Variants in ARID1B observed in about 807,000 individuals in gnomAD.
ARID1B encodes the protein AT-rich interaction domain 1B.
In ARID1B, 30 loss-of-function variants were observed where a neutral mutation model predicts 212.3. That is an observed-to-expected ratio of 0.14 (90% CI 0.11 to 0.19). ARID1B has a LOEUF of 0.19. Among genes scored for constraint, ARID1B ranks in the 10% least tolerant of loss-of-function variants. ARID1B has a pLI of 1.00. For synonymous variants in ARID1B, 1,402 were observed against 1,301.7 expected (o/e 1.08, Z -1.66); for missense variants, 2,891 against 3,204.0 (o/e 0.90, Z 2.36).
At chr6:156,912,812 C>T (rs1790003283) in intron 3 of ARID1B, among the ~76,000 whole-genome samples, 1 of 152,128 alleles carries the variant, frequency 6.6e-6, no homozygotes, top group South Asian at 2.1e-4. Flanking sequence ...TTCCCCACAC[C>T]ATCCATTTCT....
chr6:156,983,930 G>A (rs1323198450), intron 4 of ARID1B, among the ~76,000 whole-genome samples: 1 of 152,126 alleles, frequency 6.6e-6, no homozygotes, highest in Admixed American at 6.5e-5. Context: ...GATTGACCTT[G>A]CTTTTCTCAT....
In ARID1B at chr6:157,184,432, C is replaced by T. The variant is rs2128326109; in HGVS notation, c.3916C>T (p.Pro1306Ser). ...KKQPKLQPPSPANSGSLQGPQ... is the reference protein window; with the variant it reads ...KKQPKLQPPSSANSGSLQGPQ... The stretch of plus-strand genomic sequence containing the variant: ...GCAGCCCAAGCTCCAGCCGCCATCT[C>T]CTGGTAAGTGGCGGCGCTGCAGTCA... The change falls in exon 13 of 20, where the codon CCT becomes TCT. Residue 1306 changes from proline (P) to serine (S), a missense_variant. This residue lies in a region of ARID1B where 666 missense variants were observed against 873.5 expected (regional missense o/e 0.76). Coordinates refer to ENST00000636930, the MANE Select transcript of ARID1B (RefSeq NM_001374828.1). 1 of 1,614,040 alleles carries T rather than the reference C, an allele frequency of 6.2e-7. No homozygotes were observed. Among genetic ancestry groups the T allele is most frequent in the East Asian group, 2.2e-5 (1 of 44,868 alleles).
chr6:156,999,723 C>G (rs1778801874), intron 4 of ARID1B, among the ~76,000 whole-genome samples: 1 of 152,208 alleles, frequency 6.6e-6, no homozygotes, highest in Admixed American at 6.5e-5. Context: ...CTGCCTGCCT[C>G]TCAGTGCCAG....
chr6:156,883,135 T>C (rs953541556), intron 2 of ARID1B, among the ~76,000 whole-genome samples: 3 of 152,248 alleles, frequency 2.0e-5, no homozygotes, highest in Admixed American at 6.5e-5. Context: ...CGACAGCATC[T>C]TACTTCGGGG....
intron 2 of ARID1B, among the ~76,000 whole-genome samples, chr6:156,887,806 A>G (rs970215338): frequency 6.6e-6 from 1 of 152,198 alleles, no homozygotes. Flanking sequence ...TTTAAAACCT[A>G]CACACGAATG....
intron 2 of ARID1B, among the ~76,000 whole-genome samples, chr6:156,835,931 C>T (rs75181838): frequency 6.6e-6 from 1 of 151,502 alleles, no homozygotes; most frequent in Admixed American, 6.6e-5. Flanking sequence ...TTTGTAGAGA[C>T]GTCTCACCAT....
intron 4 of ARID1B, among the ~76,000 whole-genome samples, chr6:156,998,486 G>A (rs1778728094): frequency 6.6e-6 from 1 of 152,318 alleles, no homozygotes; most frequent in African/African-American, 2.4e-5. Flanking sequence ...GCCTCCCAAA[G>A]TGCTGGGATT....
At position 156,843,559 on chromosome 6, in the gene ARID1B, C is replaced by A. The variant is rs986904190; in HGVS notation, c.1986+14138C>A. Reference sequence around the variant, plus strand: ...GTTTACCCTGGGGCTATGGTAACACCGAGGGGCACACCTGGGCTGGGATAA... The same window carrying A: ...GTTTACCCTGGGGCTATGGTAACACAGAGGGGCACACCTGGGCTGGGATAA... On this transcript the variant is annotated intron_variant, in intron 2 of 19. Coordinates refer to ENST00000636930, the MANE Select transcript of ARID1B (RefSeq NM_001374828.1). Among the ~76,000 whole-genome samples the A allele has an allele frequency of 2.6e-5, 4 of 151,914 alleles. No homozygotes were observed. In the South Asian group the frequency reaches 8.3e-4, roughly 32 times the overall value.
chr6:156,850,782 G>A (rs994274459), intron 2 of ARID1B, among the ~76,000 whole-genome samples: 1 of 152,132 alleles, frequency 6.6e-6, no homozygotes, highest in African/African-American at 2.4e-5. Context: ...CTTGCTATCC[G>A]TTCTTTGAAA....
intron 4 of ARID1B, among the ~76,000 whole-genome samples, chr6:157,054,155 C>T (rs1224595451): frequency 1.3e-5 from 2 of 149,214 alleles, no homozygotes; most frequent in African/African-American, 2.5e-5. Flanking sequence ...ACCCGGGAGG[C>T]GGAGGTTGCA....
At chr6:157,172,126 G>A (rs762973742) in intron 9 of ARID1B, among the ~76,000 whole-genome samples, 15 of 152,016 alleles carry the variant, frequency 9.9e-5, no homozygotes, top group African/African-American at 2.7e-4. Context: ...CCCTCTTTTC[G>A]CACTCATCCT....
At chr6:156,949,048 G>A (rs1442987719) in intron 4 of ARID1B, among the ~76,000 whole-genome samples, 6 of 152,186 alleles carry the variant, frequency 3.9e-5, no homozygotes, top group African/African-American at 1.2e-4. Context: ...ATTGAGTCAC[G>A]TCTTATCAGT....
At chr6:156,931,171 A>G (rs1242147438) in intron 3 of ARID1B, among the ~76,000 whole-genome samples, 1 of 143,138 alleles carries the variant, frequency 7.0e-6, no homozygotes, top group Admixed American at 7.1e-5. Flanking sequence ...AGCCTGGACT[A>G]CAGAGCGAGA....
chr6:156,934,843 A>T (rs1338427713), intron 3 of ARID1B, among the ~76,000 whole-genome samples: 2 of 144,556 alleles, frequency 1.4e-5, no homozygotes, highest in Non-Finnish European at 3.0e-5. Flanking sequence ...TGTTTTTATG[A>T]ACTAGTCTTC....
At chr6:156,878,271 G>A (rs1786732736) in intron 2 of ARID1B, among the ~76,000 whole-genome samples, 1 of 152,042 alleles carries the variant, frequency 6.6e-6, no homozygotes, top group African/African-American at 2.4e-5. Context: ...TGAAGACCGA[G>A]TCTAGCCAAT....
At chr6:157,021,279 G>A (rs187860232) in intron 4 of ARID1B, among the ~76,000 whole-genome samples, 3,069 of 152,306 alleles carry the variant, frequency 0.02, 111 homozygotes, top group African/African-American at 0.07. Context: ...AGACTCGCCC[G>A]CGCCCACGGA....
chr6:156,895,461 G>A lies in ARID1B; in HGVS notation c.1987-5915G>A, dbSNP rs182897344. Among the ~76,000 whole-genome samples, 788 of 152,314 alleles carry A rather than the reference G, an allele frequency of 5.2e-3. 20 individuals carry two copies. The highest frequency in any genetic ancestry group is 0.044 in the Admixed American group (672 of 15,296). On this transcript the variant is annotated intron_variant, in intron 2 of 19. Transcript: ENST00000636930. ...GTGTCCTAGGTGAAAGGCCTGGGAA[G>A]TGATTGGAGCACCTGGTCTTGTAGT... is the stretch of plus-strand genomic sequence containing the variant.
chr6:157,065,913 T>C (rs1227311249), intron 4 of ARID1B, among the ~76,000 whole-genome samples: 2 of 152,198 alleles, frequency 1.3e-5, no homozygotes, highest in Admixed American at 6.5e-5. Context: ...TGATACATTT[T>C]CTCAAAATGA....
Position 156,829,440 on chromosome 6 carries a change from A to C in ARID1B, c.1986+19A>C, listed in dbSNP as rs2128047499. Reference sequence around the variant, plus strand: ...GCAGCAGGTTTGTGCTGGTCCCCCGACCCGCTGCTTTTTTGTAATAGTTTT... The same window carrying C: ...GCAGCAGGTTTGTGCTGGTCCCCCGCCCCGCTGCTTTTTTGTAATAGTTTT... On this transcript the variant is annotated intron_variant, in intron 2 of 19. Coordinates refer to ENST00000636930, the MANE Select transcript of ARID1B (RefSeq NM_001374828.1). 1 of 1,603,080 alleles carries C rather than the reference A, an allele frequency of 6.2e-7. No individual in the cohort carries two copies. The highest frequency in any genetic ancestry group is 2.2e-5 in the East Asian group (1 of 44,638).
Sources: gnomAD v4.1 joint callset for allele counts (sites outside exome capture counted in the v4.1 genomes callset) on GRCh38, gnomAD v4.1.1 for gene constraint, gnomAD v4.1.1 regional missense constraint, MANE v1.5 for transcripts, NCBI Gene and HGNC (gene_info 2026-07-23, HGNC 2026-07-21) for gene names.